Variants in RIPK1 observed in about 807,000 individuals in gnomAD.
RIPK1 encodes receptor interacting serine/threonine kinase 1.
In RIPK1, 27 loss-of-function variants were observed where a neutral mutation model predicts 62.4. That is an observed-to-expected ratio of 0.43 (90% confidence interval 0.32 to 0.60). The LOEUF (loss-of-function observed/expected upper bound fraction) is 0.60. RIPK1 is among the 20% of genes least tolerant of loss of function. The pLI is 0.07. For synonymous variants in RIPK1, 287 were observed against 303.2 expected, an observed-to-expected ratio of 0.95 and a Z score of 0.55; for missense variants, 735 against 831.0, an observed-to-expected ratio of 0.88 and a Z score of 1.42.
In RIPK1 at chr6:3,083,225, C is replaced by T. The variant is rs765578644; in HGVS notation, c.600C>T (p.Asp200=). 6.8e-6 allele frequency: 11 copies of T among 1,613,986 alleles called. No homozygotes were observed. In the Admixed American group the frequency reaches 1.3e-4, roughly 20 times the overall value. Residue 200 remains aspartate (D), a synonymous_variant, in exon 5 of 11, where the codon GAC becomes GAT. Coordinates refer to ENST00000259808, the MANE Select transcript of RIPK1 (RefSeq NM_001354930.2). ...ACATGGCGCCCGAGCACCTGAATGA[C>T]GTCAACGCAAAGCCCACAGAGAAGT... ...LYYMAPEHLN[D]VNAKPTEKSD... is the part of the protein sequence containing the mutation.
intron 9 of RIPK1, among the ~76,000 whole-genome samples, chr6:3,106,261 G>A (rs1222685941): frequency 6.6e-6 from 1 of 152,140 alleles, no homozygotes; most frequent in Non-Finnish European, 1.5e-5. Flanking sequence ...ACAGATGCCC[G>A]CAAGCATCGG....
chr6:3,100,395 T>C (rs946392878), intron 7 of RIPK1, among the ~76,000 whole-genome samples: 1 of 151,398 alleles, frequency 6.6e-6, no homozygotes, highest in Non-Finnish European at 1.5e-5. Flanking sequence ...CTACACTCCA[T>C]CCTGGGCAAC....
chr6:3,106,699 GAGCT>G, intron 9 of RIPK1, among the ~76,000 whole-genome samples: 1 of 152,304 alleles, frequency 6.6e-6, no homozygotes, highest in East Asian at 1.9e-4. Context: ...CAGAACCACA[GAGCT>G]TAGTTACATT....
intron 1 of RIPK1, among the ~76,000 whole-genome samples, chr6:3,073,652 T>C (rs1479946445): frequency 3.9e-5 from 6 of 152,150 alleles, no homozygotes; most frequent in African/African-American, 1.2e-4. Flanking sequence ...AGAAGGCCCA[T>C]AGGTGCTGCT....
At chr6:3,069,450 AGGGATGCGG>A (rs944627130) in intron 1 of RIPK1, among the ~76,000 whole-genome samples, 1 of 142,502 alleles carries the variant, frequency 7.0e-6, no homozygotes, top group African/African-American at 2.6e-5. Context: ...AAAGCCTCAC[AGGGATGCGG>A]GGGTTGCGGG....
chr6:3,103,477 T>C (rs1266652446), intron 7 of RIPK1, among the ~76,000 whole-genome samples: 3 of 152,014 alleles, frequency 2.0e-5, no homozygotes, highest in Admixed American at 6.6e-5. Flanking sequence ...AGTTTTTGTA[T>C]TTTTAGTAGA....
At chr6:3,065,042 A>G (rs368096768), upstream of RIPK1, among the ~76,000 whole-genome samples, 30 of 151,898 alleles carry the variant, frequency 2.0e-4, no homozygotes, top group African/African-American at 7.3e-4. Flanking sequence ...GGAGATGGAG[A>G]CCATCCTGGC....
At chr6:3,110,998 TTTC>T in intron 10 of RIPK1, 43 bp downstream of exon 10, 2 of 1,459,578 alleles carry the variant, frequency 1.4e-6, no homozygotes, top group Non-Finnish European at 1.8e-6. Flanking sequence ...AACCTTGAAC[TTTC>T]TTACTTGTGA....
rs184195694 is a variant in RIPK1, at chr6:3,072,512, T to A, written c.-61+3851T>A. Among the ~76,000 whole-genome samples, 8 of 152,324 alleles carry A rather than the reference T, an allele frequency of 5.3e-5. No individual in the cohort carries two copies. The highest frequency in any genetic ancestry group is 1.9e-4 in the African/African-American group (8 of 41,560). ...GAGTGTGCCGTAATTCATTTAACAA[T>A]ATTTTTATTTTTATTTTTTTGGACA... On this transcript the variant is annotated intron_variant, in intron 1 of 10. Coordinates refer to ENST00000259808, the MANE Select transcript of RIPK1 (RefSeq NM_001354930.2). The surrounding 1 kb of genome is among the most constrained non-coding windows in gnomAD (Gnocchi z 5.6).
chr6:3,081,445 T>G (rs538023211), intron 4 of RIPK1, among the ~76,000 whole-genome samples: 14 of 152,312 alleles, frequency 9.2e-5, no homozygotes, highest in South Asian at 4.1e-4. Context: ...CATCCTGGAA[T>G]GGGCCATTGG....
intron 9 of RIPK1, among the ~76,000 whole-genome samples, chr6:3,110,045 C>G (rs1041322882): frequency 1.2e-4 from 19 of 152,192 alleles, no homozygotes; most frequent in African/African-American, 3.9e-4. Flanking sequence ...GGGTGCCTGG[C>G]TTACTTCCAC....
intron 6 of RIPK1, among the ~76,000 whole-genome samples, chr6:3,085,843 T>C (rs1174797492): frequency 6.6e-6 from 1 of 152,228 alleles, no homozygotes; most frequent in Non-Finnish European, 1.5e-5. Context: ...TCATACAGTA[T>C]TTGTCCTTTT....
chr6:3,073,129 AATATAT>A (rs943668559), intron 1 of RIPK1, among the ~76,000 whole-genome samples: 1 of 152,076 alleles, frequency 6.6e-6, no homozygotes, highest in African/African-American at 2.4e-5. Flanking sequence ...CGCATATACA[AATATAT>A]ACATATACGT....
upstream of RIPK1, among the ~76,000 whole-genome samples, chr6:3,064,792 T>G (rs1372440802): frequency 2.0e-5 from 3 of 152,146 alleles, no homozygotes; most frequent in African/African-American, 7.2e-5. Flanking sequence ...AAGAGGTGAC[T>G]TTGGGAGGGG....
intron 3 of RIPK1, among the ~76,000 whole-genome samples, chr6:3,079,788 A>G (rs1211977833): frequency 1.3e-5 from 2 of 152,216 alleles, no homozygotes; most frequent in Non-Finnish European, 2.9e-5. Flanking sequence ...CCCCAGAACT[A>G]GAGAAGATCA....
chr6:3,078,840 C>T (rs1034297065), intron 3 of RIPK1, among the ~76,000 whole-genome samples: 3 of 151,810 alleles, frequency 2.0e-5, no homozygotes, highest in African/African-American at 7.3e-5. Flanking sequence ...GCTCATGAAT[C>T]AATAGCTAAT....
upstream of RIPK1, among the ~76,000 whole-genome samples, chr6:3,066,840 C>A (rs9503383): frequency 0.62 from 94,906 of 151,958 alleles, 30,125 homozygotes; most frequent in Non-Finnish European, 0.69. Context: ...TGTACCCAAC[C>A]CTGTAACGTC....
In RIPK1 at chr6:3,068,668, G is replaced by C. The variant is rs1026773316; in HGVS notation, c.-61+7G>C. 40 of 985,132 alleles carry C rather than the reference G, an allele frequency of 4.1e-5. No individual in the cohort carries two copies. In the African/African-American group the frequency reaches 7.0e-4, roughly 17 times the overall value. 61.0% of individuals were successfully genotyped at this position (985,132 alleles called of 1,614,324 possible). ...GGCCACGGAGAAGGGCGCGGTGAGC[G>C]GACTGGCACCGCGCGGGGAACATTC... On this transcript the variant is annotated splice_region_variant and intron_variant, in intron 1 of 10. Transcript: ENST00000259808.
upstream of RIPK1, among the ~76,000 whole-genome samples, chr6:3,065,125 C>T (rs538342683): frequency 1.6e-4 from 25 of 151,874 alleles, no homozygotes; most frequent in African/African-American, 5.3e-4. Context: ...GGCGTGGTGG[C>T]GGGCGCCTGT....
Sources: gnomAD v4.1 joint callset for allele counts (sites outside exome capture counted in the v4.1 genomes callset) on GRCh38, gnomAD v4.1.1 for gene constraint, Gnocchi (gnomAD v3.1) non-coding constraint, MANE v1.5 for transcripts, NCBI Gene and HGNC (gene_info 2026-07-23, HGNC 2026-07-21) for gene names.